ATP10B: variants seen among roughly 807,000 people sequenced by gnomAD.
The protein encoded by ATP10B is phospholipid-transporting ATPase VB.
A neutral mutation model predicts 141.2 loss-of-function variants in ATP10B; 122 were observed. The observed-to-expected ratio is 0.86, with a 90% CI of 0.75 to 1.00. ATP10B has a LOEUF of 1.00. Among genes scored for constraint, ATP10B ranks in the 50% least tolerant of loss-of-function variants. The probability of loss-of-function intolerance (pLI) is 0.00; values close to 1 mark genes in which losing one functional copy is unlikely to be tolerated. For missense variants in ATP10B, 1,876 were observed against 1,825.3 expected (o/e 1.03, Z -0.51); for synonymous variants, 685 against 692.0 (o/e 0.99, Z 0.16).
intron 3 of ATP10B, among the ~76,000 whole-genome samples, chr5:160,693,186 T>A (rs1014156312): frequency 6.6e-6 from 1 of 152,070 alleles, no homozygotes; most frequent in African/African-American, 2.4e-5. Context: ...CTCGGTTGAA[T>A]CCTATACTAG....
At chr5:160,785,534 A>G (rs963537881) in intron 2 of ATP10B, 25 bp downstream of exon 2, 4 of 545,238 alleles carry the variant, frequency 7.3e-6, no homozygotes, top group African/African-American at 5.8e-5. Context: ...TAATGACCCC[A>G]CTGCCCAAGA....
At chr5:160,756,378 G>A (rs985896818) in intron 2 of ATP10B, among the ~76,000 whole-genome samples, 1 of 151,986 alleles carries the variant, frequency 6.6e-6, no homozygotes, top group Non-Finnish European at 1.5e-5. Flanking sequence ...CTTTTCTCTT[G>A]GATAAATACT....
the ATP10B span, among the ~76,000 whole-genome samples, chr5:160,897,218 A>T: frequency 6.6e-6 from 1 of 152,226 alleles, no homozygotes; most frequent in African/African-American, 2.4e-5. Context: ...GAAAGAAATA[A>T]AGCATATTCA....
chr5:160,637,009 C>CATCT (rs60850780), intron 10 of ATP10B, among the ~76,000 whole-genome samples: 2 of 84,550 alleles, frequency 2.4e-5, no homozygotes, highest in South Asian at 5.1e-4. Flanking sequence ...TCCATCAATC[C>CATCT]ATCCATCTAT....
chr5:160,736,540 G>A (rs1275420795), intron 2 of ATP10B, among the ~76,000 whole-genome samples: 1 of 152,136 alleles, frequency 6.6e-6, no homozygotes, highest in East Asian at 1.9e-4. Context: ...AAGGCAGGAG[G>A]ATCATGAGGT....
At chr5:160,677,584 C>A (rs1763111258) in intron 6 of ATP10B, among the ~76,000 whole-genome samples, 1 of 152,130 alleles carries the variant, frequency 6.6e-6, no homozygotes, top group African/African-American at 2.4e-5. Flanking sequence ...CAAACTCGAG[C>A]CTGTGGTCAT....
At chr5:160,879,747 G>C in the ATP10B span, among the ~76,000 whole-genome samples, 4 of 151,850 alleles carry the variant, frequency 2.6e-5, no homozygotes, top group East Asian at 5.8e-4. Context: ...CTGAGGCAGG[G>C]GAATGGCGTG....
the ATP10B span, among the ~76,000 whole-genome samples, chr5:160,906,528 T>C: frequency 6.6e-6 from 1 of 152,240 alleles, no homozygotes; most frequent in African/African-American, 2.4e-5. Context: ...TCACAAGACA[T>C]TGGTTTATTA....
chr5:160,813,514 G>C (rs1377001931), intron 1 of ATP10B, among the ~76,000 whole-genome samples: 2 of 152,328 alleles, frequency 1.3e-5, no homozygotes, highest in South Asian at 4.1e-4. Flanking sequence ...GCTCACTGCA[G>C]CTCAAGGAGG....
chr5:160,822,790 A>G (rs954463417), intron 1 of ATP10B, among the ~76,000 whole-genome samples: 19 of 151,784 alleles, frequency 1.3e-4, no homozygotes, highest in African/African-American at 4.6e-4. Context: ...ATTCTCACTT[A>G]TTTGTGGAAG....
chr5:160,671,192 A>C (rs1581322729), intron 6 of ATP10B, among the ~76,000 whole-genome samples: 2 of 147,126 alleles, frequency 1.4e-5, no homozygotes, highest in African/African-American at 2.6e-5. Flanking sequence ...AAAAAAAAAA[A>C]CCCAAACCAA....
chr5:160,735,110 A>C (rs922235030), intron 2 of ATP10B, among the ~76,000 whole-genome samples: 1 of 151,244 alleles, frequency 6.6e-6, no homozygotes, highest in Non-Finnish European at 1.5e-5. Context: ...AAAAAAAAAA[A>C]CACCGGAAAA....
rs934916422 is a variant in ATP10B at position 160,714,874 on chromosome 5, G to T, written c.-205+2035C>A. Among the ~76,000 whole-genome samples, 297 of 147,476 alleles carry T rather than the reference G, an allele frequency of 2.0e-3. 4 individuals carry two copies. The highest frequency in any genetic ancestry group is 7.5e-3 in the African/African-American group (290 of 38,824). ...TGCAGGTCTGTTGGAATACCCTGCCGTGTGAGGTGTCAGTGTGGCCCTGCT... is the reference window on the plus strand; with the variant it reads ...TGCAGGTCTGTTGGAATACCCTGCCTTGTGAGGTGTCAGTGTGGCCCTGCT... On this transcript the variant is annotated intron_variant, in intron 3 of 25. Transcript: ENST00000327245.
intron 1 of ATP10B, among the ~76,000 whole-genome samples, chr5:160,844,121 ATAAT>A (rs970314161): frequency 1.3e-5 from 2 of 152,198 alleles, no homozygotes; most frequent in African/African-American, 2.4e-5. Context: ...GTAAATTGGA[ATAAT>A]TAATTTAGAA....
At chr5:160,786,862 CCT>C (rs201145374) in intron 1 of ATP10B, among the ~76,000 whole-genome samples, 3,188 of 152,064 alleles carry the variant, frequency 0.021, 44 homozygotes, top group Non-Finnish European at 0.033. Context: ...TTGTTGAAGC[CCT>C]CACTCTCCAG....
chr5:160,618,153 A>T (rs1177241957), intron 15 of ATP10B, among the ~76,000 whole-genome samples, 180 bp from the exon 16 acceptor site: 2 of 152,184 alleles, frequency 1.3e-5, no homozygotes, highest in Non-Finnish European at 2.9e-5. Flanking sequence ...AAGATAATGC[A>T]GGGAGTCCTT....
chr5:160,755,870 TATATATATTATA>T (rs1561820591), intron 2 of ATP10B, among the ~76,000 whole-genome samples: 1 of 110,528 alleles, frequency 9.0e-6, no homozygotes, highest in African/African-American at 4.7e-5. Context: ...TATATATATA[TATATATATTATA>T]ATTTTATGGA....
chr5:160,922,746 C>T, the ATP10B span, among the ~76,000 whole-genome samples: 4 of 152,178 alleles, frequency 2.6e-5, no homozygotes, highest in Non-Finnish European at 4.4e-5. Context: ...TGAGCAGCTC[C>T]TATGTACTTG....
chr5:160,792,991 G>A (rs1172433004), intron 1 of ATP10B, among the ~76,000 whole-genome samples: 1 of 152,170 alleles, frequency 6.6e-6, no homozygotes, highest in Non-Finnish European at 1.5e-5. Context: ...AGCCAGGAGG[G>A]CTAAGGCAAC....
Sources: allele counts gnomAD v4.1 joint callset (sites outside exome capture counted in the v4.1 genomes callset), GRCh38; gene constraint gnomAD v4.1.1; transcripts MANE v1.5; gene names NCBI Gene and HGNC (gene_info 2026-07-23, HGNC 2026-07-21).